UBE2QL1: variants seen among roughly 807,000 people sequenced by gnomAD.
UBE2QL1 encodes ubiquitin conjugating enzyme E2 QL1.
In UBE2QL1, 5 loss-of-function variants were observed where a neutral mutation model predicts 12.6. The observed-to-expected ratio is 0.40, with a 90% CI of 0.21 to 0.83. UBE2QL1 has a LOEUF of 0.83. Ranked by LOEUF, UBE2QL1 falls within the 40% of genes least tolerant of loss-of-function variation. UBE2QL1 has a pLI of 0.37. For missense variants in UBE2QL1, 99 were observed against 222.6 expected (o/e 0.44, Z 3.53); for synonymous variants, 96 against 94.5 (o/e 1.02, Z -0.10).
chr5:6,461,976 A>G (rs1043799243), intron 1 of UBE2QL1, among the ~76,000 whole-genome samples: 2 of 152,166 alleles, frequency 1.3e-5, no homozygotes, highest in African/African-American at 4.8e-5. Flanking sequence ...AAAGGTGAAC[A>G]CAGCAGGCTT....
At chr5:6,460,863 A>G (rs1222987585) in intron 1 of UBE2QL1, among the ~76,000 whole-genome samples, 2 of 152,238 alleles carry the variant, frequency 1.3e-5, no homozygotes, top group Non-Finnish European at 2.9e-5. Context: ...TCTTTGTTAC[A>G]GAATGCAATG....
At chr5:6,463,089 G>C (rs1739709949) in intron 1 of UBE2QL1, among the ~76,000 whole-genome samples, 1 of 152,020 alleles carries the variant, frequency 6.6e-6, no homozygotes, top group Admixed American at 6.5e-5. Context: ...AGCAAAGATT[G>C]GTACATTGCA....
chr5:6,486,493 A>G (rs1734470533), intron 1 of UBE2QL1, among the ~76,000 whole-genome samples: 1 of 152,082 alleles, frequency 6.6e-6, no homozygotes. Context: ...AGCTTACGTT[A>G]TTGTCAACAG....
chr5:6,476,721 C>T lies in UBE2QL1; in HGVS notation c.355-14497C>T, dbSNP rs989946316. Among the ~76,000 whole-genome samples the T allele has an allele frequency of 2.8e-4, 43 of 152,236 alleles. No individual in the cohort carries two copies. The highest frequency in any genetic ancestry group is 9.6e-4 in the African/African-American group (40 of 41,534). On this transcript the variant is annotated intron_variant, in intron 1 of 1. Transcript: ENST00000399816. This position sits in a 1 kb window ranked among gnomAD's most constrained non-coding sequence, Gnocchi z 4.9. Reference sequence around the variant, plus strand: ...TTCATTGCCTGGAGTGACCTTTGGTCGTATCACATGAGAGATGCCCACTTG... The same window carrying T: ...TTCATTGCCTGGAGTGACCTTTGGTTGTATCACATGAGAGATGCCCACTTG...
At chr5:6,484,308 T>C (rs925457297) in intron 1 of UBE2QL1, among the ~76,000 whole-genome samples, 8 of 152,172 alleles carry the variant, frequency 5.3e-5, no homozygotes, top group African/African-American at 7.2e-5. Context: ...TCGCCCAGCC[T>C]GTGTGGCTGC....
intron 1 of UBE2QL1, among the ~76,000 whole-genome samples, chr5:6,464,799 A>G (rs538028804): frequency 6.6e-6 from 1 of 152,250 alleles, no homozygotes; most frequent in South Asian, 2.1e-4. Context: ...GAGTGCAGCT[A>G]ATTTCTGCTC....
rs545374500 is a variant in UBE2QL1, at chr5:6,481,157, C to T, written c.355-10061C>T. On this transcript the variant is annotated intron_variant, in intron 1 of 1. Transcript: ENST00000399816. This position sits in a 1 kb window ranked among gnomAD's most constrained non-coding sequence, Gnocchi z 4.5. ...CGGGCCATTTCACCTGTGCACGCTT[C>T]GTTGTGGCTGCACCTGCCCTAATTC... Among the ~76,000 whole-genome samples, 2 of 152,276 alleles carry T rather than the reference C, an allele frequency of 1.3e-5. No homozygotes were observed. Among genetic ancestry groups the T allele is most frequent in the East Asian group, 3.9e-4 (2 of 5,170 alleles).
At chr5:6,455,918 T>C (rs1739510901) in intron 1 of UBE2QL1, among the ~76,000 whole-genome samples, 1 of 152,124 alleles carries the variant, frequency 6.6e-6, no homozygotes, top group Admixed American at 6.5e-5. Flanking sequence ...AAGCCAGCCT[T>C]CCTCCCTGGA....
chr5:6,450,086 A>ACCCAC (rs1739382894), intron 1 of UBE2QL1, among the ~76,000 whole-genome samples: 1 of 104,344 alleles, frequency 9.6e-6, no homozygotes, highest in African/African-American at 3.5e-5. Flanking sequence ...ACAAGACCAG[A>ACCCAC]CCCCCCCCCC....
chr5:6,456,454 G>A (rs933019099), intron 1 of UBE2QL1, among the ~76,000 whole-genome samples: 1 of 152,190 alleles, frequency 6.6e-6, no homozygotes, highest in East Asian at 1.9e-4. Flanking sequence ...CTGATAAATG[G>A]AAAGGCCAGG....
chr5:6,486,978 C>T (rs529194246), intron 1 of UBE2QL1, among the ~76,000 whole-genome samples: 1 of 152,312 alleles, frequency 6.6e-6, no homozygotes, highest in African/African-American at 2.4e-5. Flanking sequence ...CTGCTCCACA[C>T]CCTCTGTCCC....
intron 1 of UBE2QL1, among the ~76,000 whole-genome samples, chr5:6,459,039 G>A (rs974693699): frequency 6.6e-6 from 1 of 152,050 alleles, no homozygotes; most frequent in Non-Finnish European, 1.5e-5. Context: ...ACAGTAGCGG[G>A]TTAGGATCCT....
At chr5:6,486,328 A>G (rs771644854) in intron 1 of UBE2QL1, among the ~76,000 whole-genome samples, 1 of 151,664 alleles carries the variant, frequency 6.6e-6, no homozygotes, top group Non-Finnish European at 1.5e-5. Flanking sequence ...ACACACAAGC[A>G]CACACACACA....
intron 1 of UBE2QL1, among the ~76,000 whole-genome samples, chr5:6,451,750 GCACAAAAGGAT>G (rs1307827969): frequency 6.6e-6 from 1 of 152,208 alleles, no homozygotes; most frequent in Non-Finnish European, 1.5e-5. Context: ...AGGATTCTGT[GCACAAAAGGAT>G]TCTGATGGTG....
rs1179749840 is a variant in UBE2QL1 at position 6,479,449 on chromosome 5, T to TG, written c.355-11763dup. Among the ~76,000 whole-genome samples the TG allele has an allele frequency of 6.6e-6, 1 of 152,000 alleles. No homozygotes were observed. The highest frequency in any genetic ancestry group is 6.5e-5 in the Admixed American group (1 of 15,274). ...CTTAGGGGCGACTTCAGTAAGAAAG[T>TG]GGGGGGTCTCTGGGGCTAGTCAGGG... On this transcript the variant is annotated intron_variant, in intron 1 of 1. Transcript: ENST00000399816. The surrounding 1 kb of genome is among the most constrained non-coding windows in gnomAD (Gnocchi z 4.2).
chr5:6,488,328 A>C (rs1310492160), intron 1 of UBE2QL1, among the ~76,000 whole-genome samples: 1 of 152,248 alleles, frequency 6.6e-6, no homozygotes, highest in East Asian at 1.9e-4. Context: ...CAAAAACCAC[A>C]GAATAGTCCA....
intron 1 of UBE2QL1, among the ~76,000 whole-genome samples, chr5:6,490,890 G>T (rs961120544): frequency 6.6e-6 from 1 of 152,166 alleles, no homozygotes; most frequent in Admixed American, 6.5e-5. Flanking sequence ...GTCCCCTCCT[G>T]CGTGTCTCAG....
chr5:6,476,955 C>T lies in UBE2QL1; in HGVS notation c.355-14263C>T, dbSNP rs1441041279. Reference sequence around the variant, plus strand: ...AGGGACCCCGAAATTCCCACCTTCACCCCATCCTCCCCAGGATGGCCCACA... The same window carrying T: ...AGGGACCCCGAAATTCCCACCTTCATCCCATCCTCCCCAGGATGGCCCACA... On this transcript the variant is annotated intron_variant, in intron 1 of 1. Transcript: ENST00000399816. This position sits in a 1 kb window ranked among gnomAD's most constrained non-coding sequence, Gnocchi z 4.9. Among the ~76,000 whole-genome samples the T allele has an allele frequency of 6.6e-6, 1 of 152,120 alleles. No homozygotes were observed.
intron 1 of UBE2QL1, among the ~76,000 whole-genome samples, chr5:6,475,830 C>T (rs781750396): frequency 6.6e-6 from 1 of 152,004 alleles, no homozygotes; most frequent in African/African-American, 2.4e-5. Context: ...GAGAGGACCC[C>T]GCCCACAAGA....
Sources: gnomAD v4.1 joint callset for allele counts (sites outside exome capture counted in the v4.1 genomes callset) on GRCh38, gnomAD v4.1.1 for gene constraint, Gnocchi (gnomAD v3.1) non-coding constraint, MANE v1.5 for transcripts, NCBI Gene and HGNC (gene_info 2026-07-23, HGNC 2026-07-21) for gene names.